The following SAMD5 variants were observed in gnomAD, a reference collection of about 807,000 sequenced individuals.
SAMD5 encodes sterile alpha motif domain-containing protein 5.
Under a neutral mutation model 11.3 loss-of-function variants are expected in SAMD5, and 13 were observed. The ratio of observed to expected loss-of-function variants is 1.15; its 90% CI spans 0.75 to 1.83. The LOEUF (loss-of-function observed/expected upper bound fraction) is 1.83. Ranked by LOEUF, SAMD5 falls within the 40% of genes most tolerant of loss-of-function variation. SAMD5 has a pLI of 0.00. For synonymous variants in SAMD5, 129 were observed against 111.3 expected (o/e 1.16, Z -1.00); for missense variants, 255 against 239.1 (o/e 1.07, Z -0.44).
At chr6:147,547,452 G>A (rs1216569670) in intron 1 of SAMD5, among the ~76,000 whole-genome samples, 1 of 139,592 alleles carries the variant, frequency 7.2e-6, no homozygotes, top group African/African-American at 2.7e-5. Context: ...GTTCCCGTTT[G>A]CTTTGCTGGC....
At chr6:147,797,169 GTT>G in the SAMD5 span, among the ~76,000 whole-genome samples, 1 of 127,388 alleles carries the variant, frequency 7.9e-6, no homozygotes, top group African/African-American at 3.5e-5. Flanking sequence ...AATGCTTCCA[GTT>G]TTTGCCCATT....
At chr6:147,691,864 C>T (rs1791108478) in intron 1 of SAMD5, among the ~76,000 whole-genome samples, 3 of 152,050 alleles carry the variant, frequency 2.0e-5, no homozygotes, top group Admixed American at 2.0e-4. Flanking sequence ...ATAAATCTTG[C>T]TAAAGAGAAT....
intron 1 of SAMD5, among the ~76,000 whole-genome samples, chr6:147,540,911 A>G (rs1788590516): frequency 7.1e-6 from 1 of 140,698 alleles, no homozygotes; most frequent in African/African-American, 2.7e-5. Flanking sequence ...ACCGCACCAT[A>G]GCTGTGGGGT....
the SAMD5 span, among the ~76,000 whole-genome samples, chr6:147,853,398 G>A: frequency 6.6e-6 from 1 of 152,002 alleles, no homozygotes; most frequent in African/African-American, 2.4e-5. Context: ...GTAGCAGGAA[G>A]CTAAATTAAT....
intron 1 of SAMD5, among the ~76,000 whole-genome samples, chr6:147,723,540 A>G (rs7764189): frequency 0.02 from 3,011 of 152,230 alleles, 101 homozygotes; most frequent in African/African-American, 0.069. Context: ...TGGTTGTGCT[A>G]TTGCCCCCAG....
chr6:147,580,787 A>G (rs927587060), intron 1 of SAMD5, among the ~76,000 whole-genome samples: 1 of 151,450 alleles, frequency 6.6e-6, no homozygotes, highest in African/African-American at 2.4e-5. Flanking sequence ...TTTTAAAGAC[A>G]TAAATTTCTT....
At chr6:147,786,144 C>T in the SAMD5 span, among the ~76,000 whole-genome samples, 92 of 152,170 alleles carry the variant, frequency 6.0e-4, no homozygotes, top group African/African-American at 2.1e-3. Context: ...TAAGCCTATT[C>T]ATCTCTAGCT....
At chr6:147,812,824 T>G in the SAMD5 span, among the ~76,000 whole-genome samples, 1 of 152,310 alleles carries the variant, frequency 6.6e-6, no homozygotes, top group South Asian at 2.1e-4. Context: ...TGATAGTATA[T>G]GTTGTGGATA....
chr6:147,585,202 G>T lies in SAMD5; in HGVS notation c.162+75815G>T, dbSNP rs559671376. 6.7e-4 allele frequency among the ~76,000 whole-genome samples: 102 copies of T among 152,250 alleles called. 1 individual carries two copies. In the South Asian group the frequency reaches 0.014, roughly 21 times the overall value. On this transcript the variant is annotated intron_variant, in intron 1 of 1. Transcript: ENST00000566741. Reference sequence around the variant, plus strand: ...AGAATATCATGGCGCTTAGATGGAGGATCTGTTCTGGAGAGGGGTGGAAGC... The same window carrying T: ...AGAATATCATGGCGCTTAGATGGAGTATCTGTTCTGGAGAGGGGTGGAAGC...
intron 1 of SAMD5, among the ~76,000 whole-genome samples, chr6:147,636,184 C>T (rs1562339381): frequency 1.3e-5 from 2 of 152,062 alleles, no homozygotes; most frequent in Non-Finnish European, 2.9e-5. Flanking sequence ...GGTAAGTGCC[C>T]TAGCAGGCCA....
the SAMD5 span, among the ~76,000 whole-genome samples, chr6:147,877,903 A>C: frequency 0.088 from 8,174 of 92,528 alleles, 336 homozygotes; most frequent in Non-Finnish European, 0.11. Flanking sequence ...AGCTAGATAG[A>C]TAGATAGCTA....
At chr6:147,910,848 G>C in the SAMD5 span, among the ~76,000 whole-genome samples, 2 of 152,172 alleles carry the variant, frequency 1.3e-5, no homozygotes, top group Admixed American at 6.5e-5. Flanking sequence ...ATTTTGTAAT[G>C]ATGTTTTCAG....
At chr6:147,543,143 C>A (rs1405194607) in intron 1 of SAMD5, among the ~76,000 whole-genome samples, 1 of 152,124 alleles carries the variant, frequency 6.6e-6, no homozygotes, top group African/African-American at 2.4e-5. Flanking sequence ...AGCCACTGAA[C>A]CTATATCTGT....
At chr6:147,830,902 T>C in the SAMD5 span, among the ~76,000 whole-genome samples, 135 of 152,344 alleles carry the variant, frequency 8.9e-4, no homozygotes, top group Non-Finnish European at 1.5e-3. Context: ...TTTTTCCCGC[T>C]ATTGTTACCT....
downstream of SAMD5, among the ~76,000 whole-genome samples, chr6:147,739,707 A>G (rs117278891): frequency 0.014 from 2,059 of 152,360 alleles, 17 homozygotes; most frequent in Non-Finnish European, 0.022. Flanking sequence ...CTAATCAAAT[A>G]GATGCAAAGT....
chr6:147,846,555 C>T, the SAMD5 span, among the ~76,000 whole-genome samples: 3 of 152,162 alleles, frequency 2.0e-5, no homozygotes, highest in Non-Finnish European at 2.9e-5. Flanking sequence ...TTTTAGGCCA[C>T]GTGCAGTGGC....
chr6:147,552,309 G>A (rs1192901159), intron 1 of SAMD5, among the ~76,000 whole-genome samples: 1 of 152,194 alleles, frequency 6.6e-6, no homozygotes, highest in Non-Finnish European at 1.5e-5. Flanking sequence ...AAGACCTCTT[G>A]CCTGTTGTAC....
chr6:147,685,245 G>A lies in SAMD5; in HGVS notation c.163-52072G>A, dbSNP rs955364971. Reference sequence around the variant, plus strand: ...GGAGTCTCACTTTGTCACTCAGGCTGGAGTGCAATGGTGCGATCTCGGCTC... The same window carrying A: ...GGAGTCTCACTTTGTCACTCAGGCTAGAGTGCAATGGTGCGATCTCGGCTC... On this transcript the variant is annotated intron_variant, in intron 1 of 1. Transcript: ENST00000566741. Among the ~76,000 whole-genome samples, 4 of 152,290 alleles carry A rather than the reference G, an allele frequency of 2.6e-5. 1 individual carries two copies. Among genetic ancestry groups the A allele is most frequent in the East Asian group, 1.9e-4 (1 of 5,174 alleles).
chr6:147,896,376 G>C, the SAMD5 span, among the ~76,000 whole-genome samples: 6 of 151,996 alleles, frequency 3.9e-5, no homozygotes, highest in South Asian at 2.1e-4. Context: ...GCTGGGGCTG[G>C]GGTTGGGGGA....
Sources: gnomAD v4.1 joint callset for allele counts (sites outside exome capture counted in the v4.1 genomes callset) on GRCh38, gnomAD v4.1.1 for gene constraint, MANE v1.5 for transcripts, NCBI Gene and HGNC (gene_info 2026-07-23, HGNC 2026-07-21) for gene names.